The following MCU variants were observed in gnomAD, a reference collection of about 807,000 sequenced individuals.
The protein encoded by MCU is mitochondrial calcium uniporter, also known as calcium uniporter protein, mitochondrial.
A neutral mutation model predicts 45.2 loss-of-function variants in MCU; 12 were observed. That is an observed-to-expected ratio of 0.27 (90% CI 0.17 to 0.43). The LOEUF (loss-of-function observed/expected upper bound fraction) is 0.43, where lower values mean the gene tolerates loss of function less well. MCU is among the 20% of genes least tolerant of loss of function. The probability of loss-of-function intolerance (pLI) is 1.00; values close to 1 mark genes in which losing one functional copy is unlikely to be tolerated. For synonymous variants in MCU, 160 were observed against 165.1 expected (o/e 0.97, Z 0.24); for missense variants, 324 against 436.7 (o/e 0.74, Z 2.30).
At chr10:72,841,606 A>T (rs1845049080) in intron 2 of MCU, among the ~76,000 whole-genome samples, 1 of 152,134 alleles carries the variant, frequency 6.6e-6, no homozygotes, top group Non-Finnish European at 1.5e-5. Flanking sequence ...CCCCAAAAAA[A>T]TTTTTGACTG....
intron 1 of MCU, among the ~76,000 whole-genome samples, chr10:72,761,673 A>G (rs368737861): frequency 4.1e-4 from 63 of 152,288 alleles, no homozygotes; most frequent in African/African-American, 1.4e-3. Context: ...TTTTAATTTC[A>G]ATAGCTTTTG....
chr10:72,775,314 T>C (rs1419946097), intron 1 of MCU, among the ~76,000 whole-genome samples: 2 of 152,164 alleles, frequency 1.3e-5, no homozygotes, highest in South Asian at 2.1e-4. Context: ...ATGAAAAAAT[T>C]AGGAAAATTA....
rs534112975 is a variant in MCU, at chr10:72,776,689, T to C, written c.151-57670T>C. Among the ~76,000 whole-genome samples, 46 of 152,288 alleles carry C rather than the reference T, an allele frequency of 3.0e-4. No individual in the cohort carries two copies. In the South Asian group the frequency reaches 9.3e-3, roughly 31 times the overall value. On this transcript the variant is annotated intron_variant, in intron 1 of 7. Transcript: ENST00000373053. ...AGAATGGCTACTTTTACCACTGTTA[T>C]TCAGCATAATACTAGAAGTCCTGGC...
intron 1 of MCU, among the ~76,000 whole-genome samples, chr10:72,824,792 A>G (rs1012393809): frequency 3.1e-4 from 47 of 152,242 alleles, no homozygotes; most frequent in African/African-American, 1.1e-3. Flanking sequence ...AGAAAGGTCT[A>G]TAGTTATTTA....
At chr10:72,715,246 T>A in intron 1 of MCU, 1 of 855,084 alleles carries the variant, frequency 1.2e-6, no homozygotes, top group Non-Finnish European at 1.4e-6. Flanking sequence ...TTTTTTACTA[T>A]TTGGCATGGT....
At chr10:72,739,500 T>G (rs1206932349) in intron 1 of MCU, among the ~76,000 whole-genome samples, 4 of 152,170 alleles carry the variant, frequency 2.6e-5, no homozygotes, top group Non-Finnish European at 5.9e-5. Flanking sequence ...ATTTTAATGG[T>G]CTTCCTGGGA....
intron 1 of MCU, among the ~76,000 whole-genome samples, chr10:72,734,968 A>G (rs1843232504): frequency 6.6e-6 from 1 of 151,804 alleles, no homozygotes; most frequent in Non-Finnish European, 1.5e-5. Flanking sequence ...AGTCCCAGCT[A>G]CTAGGGAGGC....
At chr10:72,718,677 A>G (rs1373386698) in intron 1 of MCU, among the ~76,000 whole-genome samples, 3 of 152,230 alleles carry the variant, frequency 2.0e-5, no homozygotes, top group Admixed American at 2.0e-4. Context: ...ATATTCACCA[A>G]AAGACCTGGA....
rs77238117 is a variant in MCU, at chr10:72,712,314, C to T, written c.150+20013C>T. ...TTCCTGGGAAAATCCTTTGTACTTC[C>T]TGAGAGAAGGCAGAGAAGAAGAATG... On this transcript the variant is annotated intron_variant, in intron 1 of 7. Transcript: ENST00000373053. 448 of 152,136 alleles carry T rather than the reference C, an allele frequency of 2.9e-3. 3 individuals carry two copies. The highest frequency in any genetic ancestry group is 0.01 in the African/African-American group (424 of 41,494). 9.4% of individuals were successfully genotyped at this position (152,136 alleles called of 1,614,324 possible).
chr10:72,805,101 C>CTTTT (rs1554824914), intron 1 of MCU, among the ~76,000 whole-genome samples: 3 of 103,398 alleles, frequency 2.9e-5, no homozygotes, highest in African/African-American at 1.3e-4. Flanking sequence ...TTCTTTCTTT[C>CTTTT]TCTTTCTTTC....
chr10:72,805,308 G>GT (rs1307599271), intron 1 of MCU, among the ~76,000 whole-genome samples: 1 of 150,232 alleles, frequency 6.7e-6, no homozygotes, highest in Non-Finnish European at 1.5e-5. Flanking sequence ...GAGTGTAGCA[G>GT]TGTGGTCTTG....
intron 1 of MCU, among the ~76,000 whole-genome samples, chr10:72,788,762 A>G (rs1490905045): frequency 6.6e-6 from 1 of 152,260 alleles, no homozygotes; most frequent in Non-Finnish European, 1.5e-5. Flanking sequence ...TTTAGAAAGC[A>G]TTTCACATTT....
At chr10:72,875,558 T>C (rs1162581792) in intron 6 of MCU, among the ~76,000 whole-genome samples, 1 of 152,222 alleles carries the variant, frequency 6.6e-6, no homozygotes, top group East Asian at 1.9e-4. Flanking sequence ...ATATTAAATA[T>C]TTTTACTAAC....
At chr10:72,857,653 A>C (rs1171541230) in intron 2 of MCU, among the ~76,000 whole-genome samples, 1 of 152,184 alleles carries the variant, frequency 6.6e-6, no homozygotes, top group African/African-American at 2.4e-5. Flanking sequence ...TTCTTTCCTC[A>C]GTGCTAACAT....
Position 72,825,897 on chromosome 10 carries a change from A to G in MCU, c.151-8462A>G, listed in dbSNP as rs1222356361. ...CAGATGAGAACTAAGATTCAAGGTC[A>G]TGCAACTAGAGATGAGACTAGAATC... On this transcript the variant is annotated intron_variant, in intron 1 of 7. Transcript: ENST00000373053. Among the ~76,000 whole-genome samples, 6 of 152,212 alleles carry G rather than the reference A, an allele frequency of 3.9e-5. No homozygotes were observed. The South Asian group carries it at 8.3e-4, about 21-fold the overall frequency.
At chr10:72,834,477 A>G (rs1401569832) in intron 2 of MCU, 49 bp downstream of exon 2, 2 of 1,501,292 alleles carry the variant, frequency 1.3e-6, no homozygotes, top group East Asian at 2.3e-5. Context: ...TTTCCTTCTT[A>G]GCTCAGTGTT....
At position 72,747,775 on chromosome 10, in the gene MCU, G is replaced by A. The variant is rs901731092; in HGVS notation, c.150+55474G>A. ...CACTTGAGCCTGGGAGGTCGCAGCT[G>A]CAGTGAGCCATGATCATGCCACTGG... On this transcript the variant is annotated intron_variant, in intron 1 of 7. Coordinates refer to ENST00000373053, the MANE Select transcript of MCU (RefSeq NM_138357.3). Among the ~76,000 whole-genome samples the A allele has an allele frequency of 2.2e-4, 34 of 152,198 alleles. 1 individual carries two copies. The highest frequency in any genetic ancestry group is 3.4e-3 in the Middle Eastern group (1 of 294).
chr10:72,815,127 G>A (rs182974898), intron 1 of MCU, among the ~76,000 whole-genome samples: 135 of 152,322 alleles, frequency 8.9e-4, no homozygotes, highest in African/African-American at 2.6e-3. Context: ...CTTGTAAAGG[G>A]CCAAAAGTAA....
At chr10:72,844,750 A>G (rs948897796) in intron 2 of MCU, among the ~76,000 whole-genome samples, 7 of 152,216 alleles carry the variant, frequency 4.6e-5, no homozygotes, top group Non-Finnish European at 8.8e-5. Flanking sequence ...CCTTAGGAAT[A>G]TAAGTGATTG....
Sources: gnomAD v4.1 joint callset for allele counts (sites outside exome capture counted in the v4.1 genomes callset) on GRCh38, gnomAD v4.1.1 for gene constraint, MANE v1.5 for transcripts, NCBI Gene and HGNC (gene_info 2026-07-23, HGNC 2026-07-21) for gene names.